LRRC19: variants seen among roughly 807,000 people sequenced by gnomAD.
The protein encoded by LRRC19 is leucine rich repeat containing 19.
LRRC19 carries 33 observed loss-of-function variants against 33.3 expected under a neutral mutation model. The observed-to-expected ratio is 0.99, with a 90% CI of 0.75 to 1.33. The LOEUF (loss-of-function observed/expected upper bound fraction) is 1.33. Ranked by LOEUF, LRRC19 falls within the 40% of genes most tolerant of loss-of-function variation. The pLI is 0.00. For missense variants in LRRC19, 463 were observed against 417.3 expected, an observed-to-expected ratio of 1.11 and a Z score of -0.95; for synonymous variants, 184 against 152.3, an observed-to-expected ratio of 1.21 and a Z score of -1.53.
Position 26,996,439 on chromosome 9 carries a change from G to A in LRRC19, c.656C>T (p.Thr219Ile), listed in dbSNP as rs767665002. 4.4e-6 allele frequency: 7 copies of A among 1,588,712 alleles called. No homozygotes were observed. The East Asian group carries it at 1.1e-4, about 26-fold the overall frequency. Reference sequence around the variant, plus strand: ...GTGGCATTCAGCCTTATGAGGTACTGTTTTGATATTGTAGCTCTGCAGGCT... The same window carrying A: ...GTGGCATTCAGCCTTATGAGGTACTATTTTGATATTGTAGCTCTGCAGGCT... ...PNSLQSYNIK[T>I]VPHKAECHSK... The change falls in exon 4 of 5, where the codon ACA becomes ATA. Residue 219 changes from threonine to isoleucine, a missense_variant. By Grantham distance (89) the Thr-to-Ile change is moderately conservative (BLOSUM62 -1). Coordinates refer to ENST00000380055, the MANE Select transcript of LRRC19 (RefSeq NM_022901.3).
intron 1 of LRRC19, among the ~76,000 whole-genome samples, chr9:27,003,699 C>G (rs535155011): frequency 3.3e-5 from 5 of 152,286 alleles, no homozygotes; most frequent in Admixed American, 2.6e-4. Context: ...TCTACCTTTT[C>G]TCTTTCCATA....
In LRRC19 at chr9:26,995,476, G is replaced by T; in HGVS notation, c.*45C>A. 8.8e-7 allele frequency: 1 copy of T among 1,137,380 alleles called. No homozygotes were observed. Among genetic ancestry groups the T allele is most frequent in the Non-Finnish European group, 1.2e-6 (1 of 806,022 alleles). The allele number at this position is 1,137,380 out of a possible 1,614,324, so 70.5% of individuals were successfully genotyped here. A position where few individuals can be genotyped will look rare whatever the true frequency, so the allele number is the denominator to read the frequency against. On this transcript the variant is annotated 3_prime_UTR_variant, in exon 5 of 5. Coordinates refer to ENST00000380055, the MANE Select transcript of LRRC19 (RefSeq NM_022901.3). ...ATAGCAAAATCTCCATATCTAAACT[G>T]AGTGAGCTGATAACTTTGCTTTAAA...
At chr9:26,999,591 C>G (rs561464740) in intron 2 of LRRC19, 23 bp downstream of exon 2, 1 of 1,486,208 alleles carries the variant, frequency 6.7e-7, no homozygotes, top group South Asian at 1.2e-5. Flanking sequence ...AATATTTTTA[C>G]TATTTTGATT....
In LRRC19 at chr9:26,995,673, T is replaced by C; in HGVS notation, c.961A>G (p.Thr321Ala). Residue 321 changes from threonine to alanine, a missense_variant, in exon 5 of 5, where the codon ACT becomes GCT. Coordinates refer to ENST00000380055, the MANE Select transcript of LRRC19 (RefSeq NM_022901.3). ...TGTGAAAGAGAGCTTGGATTTCCAG[T>C]AAAACCATCTTCATAGGTTTCTGCT... is the stretch of plus-strand genomic sequence containing the variant. Reference protein sequence around the residue: ...HEAETYEDGFTGNPSSLSQIP... With the variant: ...HEAETYEDGFAGNPSSLSQIP... 6.2e-7 allele frequency: 1 copy of C among 1,613,946 alleles called. No individual in the cohort carries two copies. The highest frequency in any genetic ancestry group is 8.5e-7 in the Non-Finnish European group (1 of 1,179,896).
At position 26,997,901 on chromosome 9, in the gene LRRC19, A is replaced by G. The variant is rs778016160; in HGVS notation, c.422T>C (p.Phe141Ser). 17 of 1,614,036 alleles carry G rather than the reference A, an allele frequency of 1.1e-5. No homozygotes were observed. The highest frequency in any genetic ancestry group is 2.2e-5 in the East Asian group (1 of 44,876). ...NKIEQLNADV[F>S]VPLRSLKLLN... is the part of the protein sequence containing the mutation. ...AAGTTTTAGGCTTCTTAGAGGCACA[A>G]ATACATCAGCATTCAGTTGTTCTAT... The change falls in exon 3 of 5, where the codon TTT becomes TCT. Residue 141 changes from phenylalanine (F) to serine (S), a missense_variant. Phe to Ser is a radical substitution (Grantham distance 155). Transcript: ENST00000380055.
intron 3 of LRRC19, 69 bp downstream of exon 3, chr9:26,997,659 T>A: frequency 4.7e-6 from 7 of 1,476,996 alleles, no homozygotes; most frequent in Non-Finnish European, 6.4e-6. Context: ...AAACGTGATA[T>A]GAGAGATTTT....
In LRRC19 at chr9:26,995,580, C is replaced by T; in HGVS notation, c.1054G>A (p.Asp352Asn). Residue 352 changes from aspartate to asparagine, a missense_variant, in exon 5 of 5, where the codon GAT becomes AAT. Physicochemically the swap from Asp to Asn is conservative, Grantham distance 23. Transcript: ENST00000380055. ...TATTTGTCTTCAATAAATCCATCAT[C>T]ATCTACCACAAATGAATGTAATTGT... ...FEQLHSFVVD[D>N]DGFIEDKYID... 6.3e-7 allele frequency: 1 copy of T among 1,599,916 alleles called. No individual in the cohort carries two copies. The highest frequency in any genetic ancestry group is 1.1e-5 in the South Asian group (1 of 90,618).
At chr9:27,000,517 T>C (rs1456594995) in intron 1 of LRRC19, among the ~76,000 whole-genome samples, 2 of 152,192 alleles carry the variant, frequency 1.3e-5, no homozygotes, top group African/African-American at 4.8e-5. Context: ...TATTGAGGCG[T>C]GGTAGATATA....
Position 26,996,459 on chromosome 9 carries a change from C to A in LRRC19, c.636G>T (p.Leu212=). 1.3e-6 allele frequency: 2 copies of A among 1,548,128 alleles called. No homozygotes were observed. Among genetic ancestry groups the A allele is most frequent in the Non-Finnish European group, 1.8e-6 (2 of 1,140,446 alleles). Residue 212 remains leucine (L), a synonymous_variant, in exon 4 of 5, where the codon CTG becomes CTT. Transcript: ENST00000380055. ...NITMCSYPNS[L]QSYNIKTVPH... ...GTACTGTTTTGATATTGTAGCTCTG[C>A]AGGCTGTTGGGGTAGCTACACATGG... is the stretch of plus-strand genomic sequence containing the variant.
intron 1 of LRRC19, among the ~76,000 whole-genome samples, chr9:27,003,907 G>A (rs910442681): frequency 6.6e-6 from 1 of 152,194 alleles, no homozygotes; most frequent in Non-Finnish European, 1.5e-5. Context: ...TATAGGAATA[G>A]GTGTTCAGCT....
chr9:26,993,907 A>G lies in LRRC19; in HGVS notation c.*1614T>C, dbSNP rs1828005999. On this transcript the variant is annotated 3_prime_UTR_variant, in exon 5 of 5. Transcript: ENST00000380055. ...TCAGAGATATACATATTTGTAAAAGATGTAAATTCTTAATTTCTCTGCATA... is the reference window on the plus strand; with the variant it reads ...TCAGAGATATACATATTTGTAAAAGGTGTAAATTCTTAATTTCTCTGCATA... 1 of 152,208 alleles carries G rather than the reference A, an allele frequency of 6.6e-6. No individual in the cohort carries two copies. The allele number at this position is 152,208 out of a possible 1,614,324, so 9.4% of individuals were successfully genotyped here.
intron 1 of LRRC19, among the ~76,000 whole-genome samples, chr9:27,005,352 T>TCCCCCCCCCC (rs1443234170): frequency 1.1e-4 from 2 of 18,948 alleles, no homozygotes; most frequent in African/African-American, 3.4e-4. Flanking sequence ...TGAAACCATT[T>TCCCCCCCCCC]CCCCCCCCGC....
chr9:27,000,689 C>T lies in LRRC19; in HGVS notation c.-9-986G>A, dbSNP rs566591436. 4.6e-5 allele frequency among the ~76,000 whole-genome samples: 7 copies of T among 152,180 alleles called. No homozygotes were observed. The East Asian group carries it at 5.8e-4, about 13-fold the overall frequency. On this transcript the variant is annotated intron_variant, in intron 1 of 4. Coordinates refer to ENST00000380055, the MANE Select transcript of LRRC19 (RefSeq NM_022901.3). ...GTTTTTAAATGTACAGTAAATTAGACGAGAGGGAGAGCATCAGAAAATAGC... is the reference window on the plus strand; with the variant it reads ...GTTTTTAAATGTACAGTAAATTAGATGAGAGGGAGAGCATCAGAAAATAGC...
intron 1 of LRRC19, among the ~76,000 whole-genome samples, chr9:27,004,866 C>T (rs1828689860): frequency 6.6e-6 from 1 of 151,992 alleles, no homozygotes; most frequent in East Asian, 1.9e-4. Flanking sequence ...AAAAAAAGAG[C>T]TTTACTCAAA....
intron 1 of LRRC19, among the ~76,000 whole-genome samples, chr9:27,002,716 G>A (rs1482732276): frequency 6.6e-6 from 1 of 152,158 alleles, no homozygotes; most frequent in Non-Finnish European, 1.5e-5. Flanking sequence ...TTGAAGTCAG[G>A]TAGTGTGATG....
intron 1 of LRRC19, among the ~76,000 whole-genome samples, chr9:27,001,727 T>C (rs1427330533): frequency 6.6e-6 from 1 of 152,170 alleles, no homozygotes; most frequent in Non-Finnish European, 1.5e-5. Flanking sequence ...TAACCCCTTT[T>C]TAGATGGGTA....
chr9:26,995,457 A>C lies in LRRC19; in HGVS notation c.*64T>G, dbSNP rs958001780. 14 of 943,950 alleles carry C rather than the reference A, an allele frequency of 1.5e-5. No individual in the cohort carries two copies. Among genetic ancestry groups the C allele is most frequent in the Admixed American group, 1.4e-4 (5 of 34,812 alleles). The allele number at this position is 943,950 out of a possible 1,614,324, so 58.5% of individuals were successfully genotyped here. ...CTGTATTTTGTTATGTCACATAGCA[A>C]AATCTCCATATCTAAACTGAGTGAG... On this transcript the variant is annotated 3_prime_UTR_variant, in exon 5 of 5. Transcript: ENST00000380055.
intron 1 of LRRC19, among the ~76,000 whole-genome samples, chr9:27,003,383 T>C (rs371491762): frequency 1.1e-4 from 16 of 152,040 alleles, no homozygotes; most frequent in Non-Finnish European, 1.5e-4. Flanking sequence ...ATTAGCCGGG[T>C]GCAGTGGCAG....
chr9:27,004,393 A>G (rs901846094), intron 1 of LRRC19, among the ~76,000 whole-genome samples: 9 of 152,214 alleles, frequency 5.9e-5, no homozygotes, highest in African/African-American at 2.2e-4. Flanking sequence ...TTAGGTCTGA[A>G]GCTGTGAAAT....
Sources: allele counts gnomAD v4.1 joint callset (sites outside exome capture counted in the v4.1 genomes callset), GRCh38; gene constraint gnomAD v4.1.1; transcripts MANE v1.5; gene names NCBI Gene and HGNC (gene_info 2026-07-23, HGNC 2026-07-21).